The following SAA2 variants were observed in gnomAD, a reference collection of about 807,000 sequenced individuals.
SAA2 encodes serum amyloid A-2 protein.
In SAA2, 5 loss-of-function variants were observed where a neutral mutation model predicts 9.1. The observed-to-expected ratio is 0.55, with a 90% confidence interval of 0.29 to 1.16. The LOEUF is 1.16. Among genes scored for constraint, SAA2 ranks in the 50% most tolerant of loss-of-function variants. The pLI is 0.09. For missense variants in SAA2, 94 were observed against 153.8 expected (o/e 0.61, Z 2.06); for synonymous variants, 49 against 59.8 (o/e 0.82, Z 0.83).
At chr11:18,243,616 A>G (rs1857413554), downstream of SAA2, among the ~76,000 whole-genome samples, 1 of 152,114 alleles carries the variant, frequency 6.6e-6, no homozygotes, top group Non-Finnish European at 1.5e-5. Flanking sequence ...CAAACCTCCT[A>G]TACCTCCTAT....
downstream of SAA2, among the ~76,000 whole-genome samples, chr11:18,238,524 T>A (rs1165937787): frequency 2.0e-5 from 3 of 152,100 alleles, no homozygotes; most frequent in Admixed American, 6.6e-5. Flanking sequence ...TTTTTAAAAA[T>A]TTTTTGTGGG....
chr11:18,240,724 A>G (rs1857322901), downstream of SAA2, among the ~76,000 whole-genome samples: 1 of 152,210 alleles, frequency 6.6e-6, no homozygotes, highest in Non-Finnish European at 1.5e-5. Flanking sequence ...TATATACTCA[A>G]GGTGGATTAA....
At chr11:18,242,513 C>T (rs1857376601), downstream of SAA2, 1 of 449,916 alleles carries the variant, frequency 2.2e-6, no homozygotes, top group Non-Finnish European at 3.9e-6. Flanking sequence ...ACCCCAGAAA[C>T]AATGTGAATC....
At chr11:18,242,493 C>A, downstream of SAA2, 1 of 416,772 alleles carries the variant, frequency 2.4e-6, no homozygotes. Context: ...TGGAAACACC[C>A]TCACAGACGA....
At chr11:18,247,857 C>G in intron 2 of SAA2, 64 bp downstream of exon 2, 1 of 1,611,144 alleles carries the variant, frequency 6.2e-7, no homozygotes, top group African/African-American at 1.3e-5. Context: ...ATCATTTTCC[C>G]CAGTTTATCA....
At chr11:18,240,064 A>C (rs533041844) in intron 3 of SAA2, 4 of 1,470,516 alleles carry the variant, frequency 2.7e-6, no homozygotes, top group African/African-American at 1.4e-5. Context: ...CAATAACCCA[A>C]TGGGGTACCG....
downstream of SAA2, among the ~76,000 whole-genome samples, chr11:18,239,003 G>A (rs1022639529): frequency 2.0e-5 from 3 of 151,754 alleles, no homozygotes; most frequent in African/African-American, 4.8e-5. Flanking sequence ...CCCTACTTTG[G>A]GCTATAAAAG....
downstream of SAA2, among the ~76,000 whole-genome samples, chr11:18,241,120 A>G (rs1857332984): frequency 6.6e-6 from 1 of 152,224 alleles, no homozygotes; most frequent in African/African-American, 2.4e-5. Context: ...AATGCTCAAC[A>G]TCACTAATCA....
chr11:18,242,970 G>T (rs1383755239), downstream of SAA2, among the ~76,000 whole-genome samples: 7 of 152,172 alleles, frequency 4.6e-5, no homozygotes, highest in East Asian at 1.9e-4. Context: ...TTAATAAAAG[G>T]TATTTGGGTG....
downstream of SAA2, chr11:18,240,290 G>A: frequency 1.4e-6 from 1 of 702,500 alleles, no homozygotes; most frequent in Non-Finnish European, 2.6e-6. Flanking sequence ...CATCTTCTCT[G>A]AAATAATGAG....
At chr11:18,240,009 C>A in intron 3 of SAA2, 2 of 1,549,004 alleles carry the variant, frequency 1.3e-6, no homozygotes, top group Non-Finnish European at 1.7e-6. Context: ...GTCATATACA[C>A]GTATTTTAAC....
At chr11:18,240,136 A>G (rs1857302993) in intron 3 of SAA2, 2 of 899,484 alleles carry the variant, frequency 2.2e-6, no homozygotes, top group Non-Finnish European at 3.5e-6. Flanking sequence ...AATTTTTTGA[A>G]GTCATAAATG....
chr11:18,243,946 G>A (rs1298065435), downstream of SAA2, among the ~76,000 whole-genome samples: 1 of 152,124 alleles, frequency 6.6e-6, no homozygotes, highest in East Asian at 1.9e-4. Flanking sequence ...CACCCATAGA[G>A]GGCGCTAGAG....
At chr11:18,246,129 G>C in intron 2 of SAA2, 81 bp from the exon 3 acceptor site, 1 of 1,495,396 alleles carries the variant, frequency 6.7e-7, no homozygotes, top group Non-Finnish European at 9.1e-7. Context: ...ATGAAAGAAG[G>C]ACAAATCTTC....
chr11:18,238,991 T>G (rs1163784763), downstream of SAA2, among the ~76,000 whole-genome samples: 2 of 152,242 alleles, frequency 1.3e-5, no homozygotes, highest in African/African-American at 4.8e-5. Flanking sequence ...TGTTGCAGCT[T>G]TCCCTACTTT....
At chr11:18,247,479 T>C (rs1857607228) in intron 2 of SAA2, among the ~76,000 whole-genome samples, 2 of 129,738 alleles carry the variant, frequency 1.5e-5, no homozygotes, top group African/African-American at 6.8e-5. Flanking sequence ...TGATTGTTCT[T>C]TCTCTGAGTA....
chr11:18,243,336 C>T (rs1857402806), downstream of SAA2, among the ~76,000 whole-genome samples: 1 of 152,076 alleles, frequency 6.6e-6, no homozygotes, highest in African/African-American at 2.4e-5. Flanking sequence ...TTTCTCTCAT[C>T]CTCCCTTTCT....
intron 2 of SAA2, among the ~76,000 whole-genome samples, chr11:18,246,620 T>A (rs1357200301): frequency 6.6e-6 from 1 of 152,198 alleles, no homozygotes; most frequent in Non-Finnish European, 1.5e-5. Flanking sequence ...CAACTTCCGC[T>A]TCCCGGGTTC....
downstream of SAA2, among the ~76,000 whole-genome samples, chr11:18,244,917 C>T (rs549801923): frequency 6.6e-6 from 1 of 152,208 alleles, no homozygotes; most frequent in South Asian, 2.1e-4. Flanking sequence ...GTCTGTAGCC[C>T]CTGCCTCCAG....
Sources: gnomAD v4.1 joint callset for allele counts (sites outside exome capture counted in the v4.1 genomes callset) on GRCh38, gnomAD v4.1.1 for gene constraint, MANE v1.5 for transcripts, NCBI Gene and HGNC (gene_info 2026-07-23, HGNC 2026-07-21) for gene names.